The following FANCA variants were observed in gnomAD, a reference collection of about 807,000 sequenced individuals.
FANCA encodes the protein Fanconi anemia group A protein.
A neutral mutation model predicts 194.3 loss-of-function variants in FANCA; 236 were observed. The observed-to-expected ratio is 1.21, with a 90% CI of 1.09 to 1.35. FANCA has a LOEUF of 1.35. FANCA is among the 40% of genes most tolerant of loss of function. FANCA has a pLI of 0.00. For synonymous variants in FANCA, 1,014 were observed against 715.8 expected, an observed-to-expected ratio of 1.42 and a Z score of -6.65; for missense variants, 2,628 against 1,813.9, an observed-to-expected ratio of 1.45 and a Z score of -8.15.
At position 89,792,073 on chromosome 16, in the gene FANCA, A is replaced by C. The variant is rs2040094866; in HGVS notation, c.1084-5T>G. 6.2e-7 allele frequency: 1 copy of C among 1,614,202 alleles called. No individual in the cohort carries two copies. Among genetic ancestry groups the C allele is most frequent in the Non-Finnish European group, 8.5e-7 (1 of 1,180,032 alleles). ...TGCACTCAGCATCACAAAGAGCTGA[A>C]ATAAAAGCATCCGCTCCCTTCAATA... On this transcript the variant is annotated splice_polypyrimidine_tract_variant and splice_region_variant and intron_variant, in intron 12 of 42. Transcript: ENST00000389301.
intron 31 of FANCA, among the ~76,000 whole-genome samples, chr16:89,751,408 G>A (rs1015524528): frequency 9.2e-5 from 14 of 152,156 alleles, no homozygotes; most frequent in African/African-American, 3.4e-4. Context: ...GGAAGTCAAG[G>A]CTGCAGAGAG....
At chr16:89,812,520 C>A (rs189816836) in intron 3 of FANCA, among the ~76,000 whole-genome samples, 3 of 151,400 alleles carry the variant, frequency 2.0e-5, no homozygotes, top group Admixed American at 6.6e-5. Flanking sequence ...GTGGTGCATG[C>A]CTGTAATACC....
chr16:89,740,656 C>T (rs1425381141), intron 38 of FANCA, 148 bp downstream of exon 38: 2 of 637,764 alleles, frequency 3.1e-6, no homozygotes, highest in East Asian at 2.9e-5. Flanking sequence ...AAAAAAAAAC[C>T]CACGGCCTGG....
intron 30 of FANCA, among the ~76,000 whole-genome samples, chr16:89,757,956 A>G (rs1227028867): frequency 6.6e-6 from 1 of 152,114 alleles, no homozygotes; most frequent in Non-Finnish European, 1.5e-5. Context: ...CCCAGGTTCA[A>G]GCAATCCTCC....
chr16:89,807,432 G>T (rs768341235), intron 6 of FANCA, among the ~76,000 whole-genome samples: 13 of 150,462 alleles, frequency 8.6e-5, no homozygotes, highest in Non-Finnish European at 1.6e-4. Context: ...CCAGCCTGGC[G>T]ACATAGCAGG....
chr16:89,786,690 C>G (rs1463857699), intron 14 of FANCA, among the ~76,000 whole-genome samples: 1 of 152,172 alleles, frequency 6.6e-6, no homozygotes, highest in African/African-American at 2.4e-5. Flanking sequence ...GCGGAAAATG[C>G]TGATAACGCT....
intron 6 of FANCA, among the ~76,000 whole-genome samples, chr16:89,805,625 G>C (rs565564699): frequency 1.5e-4 from 23 of 152,148 alleles, no homozygotes; most frequent in African/African-American, 5.3e-4. Context: ...CGCCCAGCTG[G>C]AGGTCTTACT....
chr16:89,737,729 G>A lies in FANCA; in HGVS notation c.*872C>T. On this transcript the variant is annotated 3_prime_UTR_variant, in exon 43 of 43. Coordinates refer to ENST00000389301, the MANE Select transcript of FANCA (RefSeq NM_000135.4). ...CAGAAATGTCTTCCCAGCTGTGATGGTTTCACATTGTCATCGTCGTCCCCC... is the reference window on the plus strand; with the variant it reads ...CAGAAATGTCTTCCCAGCTGTGATGATTTCACATTGTCATCGTCGTCCCCC... 1.2e-6 allele frequency: 2 copies of A among 1,603,078 alleles called. No individual in the cohort carries two copies. The highest frequency in any genetic ancestry group is 2.2e-5 in the East Asian group (1 of 44,604).
Position 89,791,457 on chromosome 16 carries a change from G to A in FANCA, c.1305C>T (p.Arg435=), listed in dbSNP as rs756132296. 6.2e-7 allele frequency: 1 copy of A among 1,614,148 alleles called. No individual in the cohort carries two copies. Among genetic ancestry groups the A allele is most frequent in the Non-Finnish European group, 8.5e-7 (1 of 1,180,018 alleles). The change falls in exon 14 of 43, where the codon CGC becomes CGT. Residue 435 remains arginine, a synonymous_variant. Transcript: ENST00000389301. The part of the protein sequence containing the change: ...DSMVTAFLVV[R]QAALEGPSAF... ...CAGAGGGGCCCTCCAGTGCTGCCTG[G>A]CGCACAACCAGGAACGCAGTGACCA...
intron 36 of FANCA, among the ~76,000 whole-genome samples, chr16:89,743,206 C>T (rs911597292): frequency 1.2e-4 from 18 of 152,194 alleles, no homozygotes; most frequent in African/African-American, 4.3e-4. Flanking sequence ...CTACCTTGCC[C>T]TGTGCTCTTG....
chr16:89,789,620 T>C (rs544791712), intron 14 of FANCA, among the ~76,000 whole-genome samples: 15 of 151,942 alleles, frequency 9.9e-5, no homozygotes, highest in Admixed American at 4.6e-4. Flanking sequence ...TTACATTCTG[T>C]AGAGACCGGG....
At chr16:89,816,418 C>A in intron 1 of FANCA, 119 bp downstream of exon 1, 1 of 920,512 alleles carries the variant, frequency 1.1e-6, no homozygotes, top group Non-Finnish European at 1.5e-6. Flanking sequence ...GCACAGCCCC[C>A]CGGGCGCGGC....
intron 17 of FANCA, among the ~76,000 whole-genome samples, chr16:89,782,082 C>CA (rs1418278605): frequency 6.6e-6 from 1 of 151,600 alleles, no homozygotes; most frequent in African/African-American, 2.4e-5. Flanking sequence ...GCTATAAAAA[C>CA]AGTTAACACT....
intron 30 of FANCA, among the ~76,000 whole-genome samples, chr16:89,755,909 C>T (rs1463920030): frequency 2.0e-5 from 3 of 150,712 alleles, no homozygotes; most frequent in Non-Finnish European, 4.4e-5. Context: ...GGCCACACGG[C>T]ACGGCCCACC....
chr16:89,803,140 T>C (rs918802821), intron 8 of FANCA, 119 bp downstream of exon 8: 15 of 984,082 alleles, frequency 1.5e-5, no homozygotes, highest in African/African-American at 3.2e-5. Context: ...AAGTATCACA[T>C]GTACCCCGTA....
chr16:89,771,637 T>C (rs2039328611), intron 23 of FANCA, 41 bp downstream of exon 23: 1 of 1,610,906 alleles, frequency 6.2e-7, no homozygotes. Context: ...TAATGGAAAA[T>C]GGTGAAGACC....
intron 39 of FANCA, 161 bp downstream of exon 39, chr16:89,739,833 T>G (rs2062082095): frequency 1.3e-6 from 2 of 1,486,044 alleles, no homozygotes; most frequent in Non-Finnish European, 1.8e-6. Context: ...TAAATTATCT[T>G]ATTGCTTTAA....
At position 89,782,931 on chromosome 16, in the gene FANCA, C is replaced by T. The variant is rs2143459544; in HGVS notation, c.1567-13G>A. On this transcript the variant is annotated splice_polypyrimidine_tract_variant and intron_variant, in intron 16 of 42. Coordinates refer to ENST00000389301, the MANE Select transcript of FANCA (RefSeq NM_000135.4). Reference sequence around the variant, plus strand: ...TTTCTATAGAAACCTTCAGGGAAGACACAGAATGAGAACAAGAAAACAAAG... The same window carrying T: ...TTTCTATAGAAACCTTCAGGGAAGATACAGAATGAGAACAAGAAAACAAAG... The T allele has an allele frequency of 3.1e-6, 5 of 1,613,834 alleles. No homozygotes were observed. The highest frequency in any genetic ancestry group is 1.3e-5 in the African/African-American group (1 of 75,034).
rs142379991 is a variant in FANCA at position 89,749,785 on chromosome 16, C to T, written c.3184G>A (p.Gly1062Arg). The change falls in exon 32 of 43, where the codon GGG becomes AGG. Residue 1062 changes from glycine (G) to arginine (R), a missense_variant. Transcript: ENST00000389301. ...TGAAGGCTGGCAGCCACGCTCCACCCGCTTGTCAGAGCCTGGAGCCGTCTG... is the reference window on the plus strand; with the variant it reads ...TGAAGGCTGGCAGCCACGCTCCACCTGCTTGTCAGAGCCTGGAGCCGTCTG... ...FRRRLQALTS[G>R]WSVAASLQRQ... 2.5e-5 allele frequency: 41 copies of T among 1,614,114 alleles called. No individual in the cohort carries two copies. Among genetic ancestry groups the T allele is most frequent in the South Asian group, 3.3e-5 (3 of 91,088 alleles).
Sources: gnomAD v4.1 joint callset for allele counts (sites outside exome capture counted in the v4.1 genomes callset) on GRCh38, gnomAD v4.1.1 for gene constraint, MANE v1.5 for transcripts, NCBI Gene and HGNC (gene_info 2026-07-23, HGNC 2026-07-21) for gene names.